The following GABRA4 variants were observed in gnomAD, a reference collection of about 807,000 sequenced individuals.
The protein encoded by GABRA4 is gamma-aminobutyric acid receptor subunit alpha-4.
In GABRA4, 12 loss-of-function variants were observed where a neutral mutation model predicts 49.7. The ratio of observed to expected loss-of-function variants is 0.24; its 90% CI spans 0.15 to 0.39. The LOEUF (loss-of-function observed/expected upper bound fraction) is 0.39. Among genes scored for constraint, GABRA4 ranks in the 10% least tolerant of loss-of-function variants. The pLI is 1.00. For synonymous variants in GABRA4, 288 were observed against 240.2 expected (o/e 1.20, Z -1.84); for missense variants, 506 against 686.0 (o/e 0.74, Z 2.93).
At chr4:46,932,035 A>G (rs1721455303) in intron 8 of GABRA4, among the ~76,000 whole-genome samples, 1 of 152,150 alleles carries the variant, frequency 6.6e-6, no homozygotes, top group Non-Finnish European at 1.5e-5. Context: ...TAGATAATAG[A>G]TAGATGAGTT....
At chr4:46,989,613 A>T (rs911178416) in intron 2 of GABRA4, among the ~76,000 whole-genome samples, 5 of 152,238 alleles carry the variant, frequency 3.3e-5, no homozygotes, top group Non-Finnish European at 7.3e-5. Context: ...GCTGAGTTAA[A>T]AATATGTAAT....
intron 8 of GABRA4, among the ~76,000 whole-genome samples, chr4:46,950,009 T>A (rs935605712): frequency 2.0e-5 from 3 of 152,252 alleles, no homozygotes; most frequent in African/African-American, 7.2e-5. Flanking sequence ...ATTCTTGTTC[T>A]ATGTATAACA....
chr4:46,971,927 C>T (rs1262814515), intron 6 of GABRA4, among the ~76,000 whole-genome samples: 1 of 150,548 alleles, frequency 6.6e-6, no homozygotes, highest in African/African-American at 2.4e-5. Context: ...CTAATAAGTA[C>T]AATAAACCAT....
chr4:46,964,882 A>T (rs1722697575), intron 8 of GABRA4, 88 bp downstream of exon 8: 1 of 1,377,520 alleles, frequency 7.3e-7, no homozygotes, highest in Non-Finnish European at 9.8e-7. Flanking sequence ...TGATATCAGG[A>T]TTTTTAAGTT....
chr4:46,965,555 C>T (rs549149520), intron 7 of GABRA4, among the ~76,000 whole-genome samples: 3 of 151,654 alleles, frequency 2.0e-5, no homozygotes, highest in South Asian at 2.1e-4. Flanking sequence ...ATGTAACGCA[C>T]GTAGCACACA....
At chr4:46,935,558 T>C (rs1467752039) in intron 8 of GABRA4, among the ~76,000 whole-genome samples, 1 of 151,844 alleles carries the variant, frequency 6.6e-6, no homozygotes, top group Non-Finnish European at 1.5e-5. Context: ...TCATGTCTAA[T>C]AATTACCAAA....
chr4:46,950,909 C>T (rs939260794), intron 8 of GABRA4, among the ~76,000 whole-genome samples: 1 of 151,756 alleles, frequency 6.6e-6, no homozygotes, highest in Non-Finnish European at 1.5e-5. Flanking sequence ...TTAGAGCAGG[C>T]GAGTATTAGA....
chr4:46,984,408 A>T (rs1577795185), intron 2 of GABRA4, among the ~76,000 whole-genome samples: 1 of 152,056 alleles, frequency 6.6e-6, no homozygotes, highest in Non-Finnish European at 1.5e-5. Flanking sequence ...GCCTTCCTGA[A>T]TACTAAACAC....
chr4:46,977,191 A>T, intron 4 of GABRA4, 48 bp from the exon 5 acceptor site: 1 of 1,239,720 alleles, frequency 8.1e-7, no homozygotes, highest in South Asian at 1.3e-5. Flanking sequence ...TTAAAGAATA[A>T]TTGTGACTTT....
At chr4:46,970,501 T>C (rs1183387581) in intron 7 of GABRA4, among the ~76,000 whole-genome samples, 1 of 151,274 alleles carries the variant, frequency 6.6e-6, no homozygotes, top group Non-Finnish European at 1.5e-5. Context: ...TTTATATTGT[T>C]CAGAATACTA....
At position 46,928,558 on chromosome 4, in the gene GABRA4, G is replaced by C; in HGVS notation, c.1332C>G (p.Thr444=). Residue 444 remains threonine, a synonymous_variant, in exon 9 of 9, where the codon ACC becomes ACG. Coordinates refer to ENST00000264318, the MANE Select transcript of GABRA4 (RefSeq NM_000809.4). ...ATGGAAGTGCTCTTGCTGCAGATAT[G>C]GTTTCAGCTGCATTTGCACGGCTGA... is the stretch of plus-strand genomic sequence containing the variant. The part of the protein sequence containing the change: ...NPFSRANAAE[T]ISAARALPSA... The C allele has an allele frequency of 1.2e-6, 2 of 1,613,646 alleles. No individual in the cohort carries two copies. The highest frequency in any genetic ancestry group is 1.7e-5 in the Admixed American group (1 of 59,926).
At chr4:46,930,138 T>C (rs1721378912) in intron 8 of GABRA4, among the ~76,000 whole-genome samples, 1 of 151,854 alleles carries the variant, frequency 6.6e-6, no homozygotes, top group South Asian at 2.1e-4. Context: ...CTGACAGGTG[T>C]AGAAAGCATT....
At chr4:46,983,534 C>T (rs1180290621) in intron 2 of GABRA4, among the ~76,000 whole-genome samples, 2 of 152,224 alleles carry the variant, frequency 1.3e-5, no homozygotes, top group Non-Finnish European at 2.9e-5. Context: ...TTACTTTCCA[C>T]AGCAGTTAAA....
intron 2 of GABRA4, among the ~76,000 whole-genome samples, chr4:46,980,566 G>A (rs1403943373): frequency 6.6e-6 from 1 of 152,034 alleles, no homozygotes; most frequent in African/African-American, 2.4e-5. Flanking sequence ...AGAGCCTTAG[G>A]CAGTATAGTA....
intron 2 of GABRA4, among the ~76,000 whole-genome samples, chr4:46,986,570 A>G (rs1723547103): frequency 6.6e-6 from 1 of 152,060 alleles, no homozygotes; most frequent in African/African-American, 2.4e-5. Context: ...CTAACATTGG[A>G]GACATCAAAA....
chr4:46,950,033 G>A (rs190585050), intron 8 of GABRA4, among the ~76,000 whole-genome samples: 1 of 152,138 alleles, frequency 6.6e-6, no homozygotes, highest in South Asian at 2.1e-4. Context: ...AACCTCCTTG[G>A]TGCCATTTTT....
intron 8 of GABRA4, among the ~76,000 whole-genome samples, chr4:46,946,991 T>C (rs1051163056): frequency 6.6e-6 from 1 of 152,052 alleles, no homozygotes. Context: ...TTTTCCAGAA[T>C]ACTAAAATCA....
At chr4:46,970,162 T>A (rs1324115989) in intron 7 of GABRA4, among the ~76,000 whole-genome samples, 1 of 151,364 alleles carries the variant, frequency 6.6e-6, no homozygotes, top group East Asian at 1.9e-4. Context: ...GGATGAAAAG[T>A]TCCCGTTCTA....
At chr4:46,992,099 C>T (rs1172001568) in intron 2 of GABRA4, among the ~76,000 whole-genome samples, 2 of 152,100 alleles carry the variant, frequency 1.3e-5, no homozygotes, top group African/African-American at 2.4e-5. Flanking sequence ...TAGTACCTAG[C>T]GCAAAGCTTG....
Sources: allele counts gnomAD v4.1 joint callset (sites outside exome capture counted in the v4.1 genomes callset), GRCh38; gene constraint gnomAD v4.1.1; transcripts MANE v1.5; gene names NCBI Gene and HGNC (gene_info 2026-07-23, HGNC 2026-07-21).